The following SPIN1 variants were observed in gnomAD, a reference collection of about 807,000 sequenced individuals.
SPIN1 encodes spindlin 1, also known as spindlin-1.
SPIN1 carries 3 observed loss-of-function variants against 26.0 expected under a neutral mutation model. That is an observed-to-expected ratio of 0.12 (90% CI 0.05 to 0.30). SPIN1 has a LOEUF of 0.30. Ranked by LOEUF, SPIN1 falls within the 10% of genes least tolerant of loss-of-function variation. The probability of loss-of-function intolerance (pLI) is 1.00; values close to 1 mark genes in which losing one functional copy is unlikely to be tolerated. For missense variants in SPIN1, 126 were observed against 333.4 expected, an observed-to-expected ratio of 0.38 and a Z score of 4.84; for synonymous variants, 101 against 116.5, an observed-to-expected ratio of 0.87 and a Z score of 0.86.
intron 4 of SPIN1, among the ~76,000 whole-genome samples, chr9:88,466,102 G>T (rs544227985): frequency 6.6e-6 from 1 of 152,090 alleles, no homozygotes; most frequent in Non-Finnish European, 1.5e-5. Flanking sequence ...GTAAATATTG[G>T]TAGGCATTAT....
intron 1 of SPIN1, among the ~76,000 whole-genome samples, chr9:88,408,386 T>C (rs1053430005): frequency 1.1e-4 from 16 of 147,048 alleles, no homozygotes; most frequent in African/African-American, 3.0e-4. Context: ...CTTTTTTTTT[T>C]TTTTTTTTTG....
intron 1 of SPIN1, among the ~76,000 whole-genome samples, chr9:88,402,614 C>T (rs1382293229): frequency 6.6e-6 from 1 of 151,818 alleles, no homozygotes; most frequent in East Asian, 1.9e-4. Context: ...TGACCTCCAG[C>T]TTCACCCATG....
At chr9:88,410,189 G>GTGTA (rs869281652) in intron 1 of SPIN1, among the ~76,000 whole-genome samples, 1 of 121,252 alleles carries the variant, frequency 8.2e-6, no homozygotes, top group African/African-American at 6.1e-5. Flanking sequence ...GTGTGTGTGT[G>GTGTA]CAACTTTTTT....
intron 1 of SPIN1, among the ~76,000 whole-genome samples, chr9:88,405,931 G>A (rs1330649553): frequency 6.6e-6 from 1 of 151,928 alleles, no homozygotes; most frequent in African/African-American, 2.4e-5. Flanking sequence ...TGCCTCCTGG[G>A]TTCAAGTGAT....
chr9:88,449,214 T>C (rs1382983894), intron 3 of SPIN1, among the ~76,000 whole-genome samples: 2 of 151,924 alleles, frequency 1.3e-5, no homozygotes, highest in African/African-American at 4.8e-5. Context: ...TTAAAAGCCT[T>C]TGGGAACTGG....
chr9:88,450,069 A>G (rs968739209), intron 3 of SPIN1, among the ~76,000 whole-genome samples: 1 of 152,234 alleles, frequency 6.6e-6, no homozygotes, highest in Non-Finnish European at 1.5e-5. Context: ...ATGTGAAGGT[A>G]AGCTACATAA....
At chr9:88,464,000 C>A (rs969896931) in intron 4 of SPIN1, among the ~76,000 whole-genome samples, 1 of 152,182 alleles carries the variant, frequency 6.6e-6, no homozygotes, top group Non-Finnish European at 1.5e-5. Flanking sequence ...CTGCATATTG[C>A]TGCATGACCT....
At chr9:88,421,070 A>G (rs1050933239) in intron 1 of SPIN1, among the ~76,000 whole-genome samples, 3 of 152,158 alleles carry the variant, frequency 2.0e-5, no homozygotes, top group African/African-American at 7.2e-5. Context: ...GTCTTTTGAT[A>G]TTTATGTTAA....
At chr9:88,449,610 C>T (rs1273981464) in intron 3 of SPIN1, among the ~76,000 whole-genome samples, 1 of 151,848 alleles carries the variant, frequency 6.6e-6, no homozygotes, top group African/African-American at 2.4e-5. Flanking sequence ...GACATAGTTA[C>T]ATCCAAAAAA....
chr9:88,398,276 C>T (rs1827110145), intron 1 of SPIN1, among the ~76,000 whole-genome samples: 1 of 151,866 alleles, frequency 6.6e-6, no homozygotes, highest in South Asian at 2.1e-4. Context: ...ATTTTTTTGA[C>T]TTTTCTGCAG....
Position 88,411,522 on chromosome 9 carries a change from T to A in SPIN1, c.-158-14860T>A, listed in dbSNP as rs1827442513. 13 of 620,338 alleles carry A rather than the reference T, an allele frequency of 2.1e-5. No homozygotes were observed. In the South Asian group the frequency reaches 2.8e-4, roughly 13 times the overall value. 38.4% of individuals were successfully genotyped at this position (620,338 alleles called of 1,614,324 possible). ...TCAGCGTCATCCATGGGCAGAAAGC[T>A]TTTTTTTTGGAGACAGAATCTCACT... On this transcript the variant is annotated intron_variant, in intron 1 of 5. Transcript: ENST00000375859.
chr9:88,404,930 C>CA (rs950744099), intron 1 of SPIN1, among the ~76,000 whole-genome samples: 5,072 of 124,702 alleles, frequency 0.041, 242 homozygotes, highest in African/African-American at 0.13. Flanking sequence ...AAAAAAAAAA[C>CA]AAAAAAAAAA....
Position 88,478,466 on chromosome 9 carries a change from T to G in SPIN1, c.*3189T>G, listed in dbSNP as rs1564049985. ...TGCAGTTGGAATGAATGTGTATAGG[T>G]CAGAGGTCTTCGTGTTCACATTTTA... On this transcript the variant is annotated 3_prime_UTR_variant, in exon 6 of 6. Coordinates refer to ENST00000375859, the MANE Select transcript of SPIN1 (RefSeq NM_006717.3). The G allele has an allele frequency of 6.6e-6, 1 of 152,648 alleles. No individual in the cohort carries two copies. The highest frequency in any genetic ancestry group is 1.5e-5 in the Non-Finnish European group (1 of 68,036). 9.5% of individuals were successfully genotyped at this position (152,648 alleles called of 1,614,324 possible).
chr9:88,402,223 C>T (rs1478422940), intron 1 of SPIN1, among the ~76,000 whole-genome samples: 2 of 152,092 alleles, frequency 1.3e-5, no homozygotes, highest in Admixed American at 1.3e-4. Context: ...GGTCCCCTGA[C>T]CTCAGGTGAT....
At chr9:88,431,621 G>T (rs1329503752) in intron 2 of SPIN1, among the ~76,000 whole-genome samples, 6 of 152,164 alleles carry the variant, frequency 3.9e-5, no homozygotes, top group Non-Finnish European at 8.8e-5. Context: ...CATTCTTTGT[G>T]TGTGTCCAGT....
At chr9:88,462,384 G>T in intron 3 of SPIN1, 112 bp from the exon 4 acceptor site, 3 of 1,417,772 alleles carry the variant, frequency 2.1e-6, no homozygotes, top group South Asian at 1.4e-5. Flanking sequence ...ACATGAGTTT[G>T]TACATATTTT....
At position 88,433,079 on chromosome 9, in the gene SPIN1, A is replaced by G. The variant is rs142463168; in HGVS notation, c.52+6488A>G. On this transcript the variant is annotated intron_variant, in intron 2 of 5. Coordinates refer to ENST00000375859, the MANE Select transcript of SPIN1 (RefSeq NM_006717.3). ...GTAGCTTATGTTTCTGGGGATATAAATTACTTTTTGTTTGTTTTGAGATAG... is the reference window on the plus strand; with the variant it reads ...GTAGCTTATGTTTCTGGGGATATAAGTTACTTTTTGTTTGTTTTGAGATAG... Among the ~76,000 whole-genome samples the G allele has an allele frequency of 2.5e-4, 38 of 151,206 alleles. 1 individual carries two copies. In the East Asian group the frequency reaches 6.3e-3, roughly 25 times the overall value.
intron 1 of SPIN1, chr9:88,411,253 T>C (rs1587780688): frequency 2.6e-6 from 3 of 1,142,908 alleles, no homozygotes; most frequent in Non-Finnish European, 3.9e-6. Flanking sequence ...CATTCATGGC[T>C]GCATCCTCCA....
In SPIN1 at chr9:88,464,583, G is replaced by A. The variant is rs186922749; in HGVS notation, c.355+1834G>A. Reference sequence around the variant, plus strand: ...TTCATTTTGTTAAGCTGTAATTCGCGCTTTTCACTCTCTCTTTTTCTCAAT... The same window carrying A: ...TTCATTTTGTTAAGCTGTAATTCGCACTTTTCACTCTCTCTTTTTCTCAAT... On this transcript the variant is annotated intron_variant, in intron 4 of 5. Coordinates refer to ENST00000375859, the MANE Select transcript of SPIN1 (RefSeq NM_006717.3). Among the ~76,000 whole-genome samples the A allele has an allele frequency of 6.0e-4, 91 of 152,256 alleles. No homozygotes were observed. In the Middle Eastern group the frequency reaches 0.014, roughly 23 times the overall value.
Sources: allele counts gnomAD v4.1 joint callset (sites outside exome capture counted in the v4.1 genomes callset), GRCh38; gene constraint gnomAD v4.1.1; transcripts MANE v1.5; gene names NCBI Gene and HGNC (gene_info 2026-07-23, HGNC 2026-07-21).